Variants in EPS15L1 observed in about 807,000 individuals in gnomAD.
The protein encoded by EPS15L1 is epidermal growth factor receptor pathway substrate 15 like 1.
Under a neutral mutation model 117.1 loss-of-function variants are expected in EPS15L1, and 43 were observed. The observed-to-expected ratio is 0.37, with a 90% CI of 0.29 to 0.47. The LOEUF (loss-of-function observed/expected upper bound fraction) is 0.47, where lower values mean the gene tolerates loss of function less well. Among genes scored for constraint, EPS15L1 ranks in the 20% least tolerant of loss-of-function variants. EPS15L1 has a pLI of 0.99. For synonymous variants in EPS15L1, 459 were observed against 470.5 expected, an observed-to-expected ratio of 0.98 and a Z score of 0.32; for missense variants, 981 against 1,164.0, an observed-to-expected ratio of 0.84 and a Z score of 2.29.
chr19:16,358,265 C>T (rs2092008502), intron 23 of EPS15L1: 1 of 152,914 alleles, frequency 6.5e-6, no homozygotes, highest in Non-Finnish European at 1.5e-5. Context: ...GCTCACGAAT[C>T]CACTGTGGAG....
At chr19:16,396,198 C>T (rs957537865) in intron 16 of EPS15L1, among the ~76,000 whole-genome samples, 1 of 152,120 alleles carries the variant, frequency 6.6e-6, no homozygotes, top group Admixed American at 6.5e-5. Flanking sequence ...GACAAATGTA[C>T]TATATATGAT....
chr19:16,425,209 G>C lies in EPS15L1; in HGVS notation c.666C>G (p.Ala222=), dbSNP rs530375545. The change falls in exon 9 of 24, where the codon GCC becomes GCG. Residue 222 remains alanine (A), a synonymous_variant. Coordinates refer to ENST00000455140, the MANE Select transcript of EPS15L1 (RefSeq NM_001258374.3). ...SKRKKTVFPG[A]VPVLPASPPP... ...GGGGGCTGGCAGGCAGGACGGGGAC[G>C]GCGCCAGGGAACACAGTCTTCTTTC... 5 of 1,606,482 alleles carry C rather than the reference G, an allele frequency of 3.1e-6. No homozygotes were observed. The highest frequency in any genetic ancestry group is 4.3e-6 in the Non-Finnish European group (5 of 1,173,442).
At position 16,421,321 on chromosome 19, in the gene EPS15L1, T is replaced by C. The variant is rs1201405335; in HGVS notation, c.948A>G (p.Ile316Met). 2 of 1,606,000 alleles carry C rather than the reference T, an allele frequency of 1.2e-6. No individual in the cohort carries two copies. The highest frequency in any genetic ancestry group is 1.7e-6 in the Non-Finnish European group (2 of 1,173,986). ...AACTGCCACCTGTCCGGCCTTACCA[T>C]ATGTGTGCTAGAAGGTTCTGGGTGA... The part of the protein sequence containing the change: ...SGLTQNLLAH[I>M]WALADTRQTG... Residue 316 changes from isoleucine to methionine, a missense_variant and splice_region_variant, in exon 10 of 24, where the codon ATA (isoleucine) becomes ATG (methionine). Physicochemically the swap from Ile to Met is conservative, Grantham distance 10. Coordinates refer to ENST00000455140, the MANE Select transcript of EPS15L1 (RefSeq NM_001258374.3).
At position 16,418,052 on chromosome 19, in the gene EPS15L1, A is replaced by ACGCGAATTGGTCTTTGCTTAACTTC; in HGVS notation, c.978_1002dup (p.Leu335GlufsTer20). 6.2e-7 allele frequency: 1 copy of ACGCGAATTGGTCTTTGCTTAACTTC among 1,614,118 alleles called. No homozygotes were observed. On this transcript the variant is annotated frameshift_variant, in exon 11 of 24. Coordinates refer to ENST00000455140, the MANE Select transcript of EPS15L1 (RefSeq NM_001258374.3). LOFTEE classifies it high-confidence loss of function. ...TTCTGCTGAATGAAATACATAGCTAACGCGAATTGGTCTTTGCTTAACTTC... is the reference window on the plus strand; with the variant it reads ...TTCTGCTGAATGAAATACATAGCTAACGCGAATTGGTCTTTGCTTAACTTCCGCGAATTGGTCTTTGCTTAACTTC...
At chr19:16,410,488 T>C (rs908735630) in intron 13 of EPS15L1, among the ~76,000 whole-genome samples, 1 of 152,130 alleles carries the variant, frequency 6.6e-6, no homozygotes, top group Non-Finnish European at 1.5e-5. Flanking sequence ...GCCCAGCAAA[T>C]TCACTCCCAG....
At chr19:16,378,479 C>T (rs544973649) in intron 21 of EPS15L1, among the ~76,000 whole-genome samples, 1 of 152,094 alleles carries the variant, frequency 6.6e-6, no homozygotes, top group African/African-American at 2.4e-5. Context: ...CTGGCTGGAC[C>T]CCACTGCCGT....
rs1170523942 is a variant in EPS15L1 at position 16,471,923 on chromosome 19, A to AG, written c.22dup (p.Leu8ProfsTer13). On this transcript the variant is annotated frameshift_variant, in exon 1 of 24. Transcript: ENST00000455140. LOFTEE classifies it high-confidence loss of function. The surrounding 1 kb of genome is among the most constrained non-coding windows in gnomAD (Gnocchi z 4.8). The stretch of plus-strand genomic sequence containing the variant: ...CCGCCCGGCCCGTACCTGCTGGGAG[A>AG]GGGGGATGAGCGGCGCCGCCATCTT... 8.5e-6 allele frequency: 11 copies of AG among 1,295,762 alleles called. No homozygotes were observed. The highest frequency in any genetic ancestry group is 2.3e-5 in the South Asian group (1 of 43,900). 80.3% of individuals were successfully genotyped at this position (1,295,762 alleles called of 1,614,324 possible). A position where few individuals can be genotyped will look rare whatever the true frequency, so the allele number is the denominator to read the frequency against.
At position 16,425,106 on chromosome 19, in the gene EPS15L1, T is replaced by G; in HGVS notation, c.769A>C (p.Lys257Gln). ...ACCTGTGTTTGCTTGAGGCTGTGCT[T>G]GGGGGACAGGCTCCCTGTGCTGTTG... is the stretch of plus-strand genomic sequence containing the variant. ...SLNSTGSLSP[K>Q]HSLKQTQPTV... is the part of the protein sequence containing the mutation. Residue 257 changes from lysine (K) to glutamine (Q), a missense_variant, in exon 9 of 24, where the codon AAG becomes CAG. Lys to Gln is a moderately conservative substitution (Grantham distance 53). Transcript: ENST00000455140. 6.2e-7 allele frequency: 1 copy of G among 1,614,118 alleles called. No individual in the cohort carries two copies. Among genetic ancestry groups the G allele is most frequent in the Non-Finnish European group, 8.5e-7 (1 of 1,179,996 alleles).
intron 1 of EPS15L1, among the ~76,000 whole-genome samples, chr19:16,467,606 TGGATTTTACTCTAAAA>T: frequency 6.6e-6 from 1 of 150,802 alleles, no homozygotes; most frequent in Admixed American, 6.6e-5. Context: ...CTTTCAGGAG[TGGATTTTACTCTAAAA>T]CTTCGTTCTC....
intron 16 of EPS15L1, among the ~76,000 whole-genome samples, chr19:16,396,778 A>G (rs78070767): frequency 0.012 from 1,786 of 152,316 alleles, 34 homozygotes; most frequent in African/African-American, 0.041. Flanking sequence ...AGCCTTCAAA[A>G]GGAAGCAAAT....
At chr19:16,464,729 T>TACTAACACTA (rs2093284588) in intron 1 of EPS15L1, among the ~76,000 whole-genome samples, 1 of 148,518 alleles carries the variant, frequency 6.7e-6, no homozygotes, top group Non-Finnish European at 1.5e-5. Flanking sequence ...ACACATAAAA[T>TACTAACACTA]ACACTAACAC....
chr19:16,447,289 C>G (rs374504663), intron 1 of EPS15L1, among the ~76,000 whole-genome samples: 2 of 152,174 alleles, frequency 1.3e-5, no homozygotes, highest in South Asian at 4.1e-4. Flanking sequence ...GAGGTTTCTA[C>G]AGCAGAGCTA....
At position 16,418,042 on chromosome 19, in the gene EPS15L1, T is replaced by C; in HGVS notation, c.1013A>G (p.Tyr338Cys). The stretch of plus-strand genomic sequence containing the variant: ...TTTACTGACCTTCTGCTGAATGAAA[T>C]ACATAGCTAACGCGAATTGGTCTTT... Reference protein sequence around the residue: ...LSKDQFALAMYFIQQKVSKGI... With the variant: ...LSKDQFALAMCFIQQKVSKGI... Residue 338 changes from tyrosine to cysteine, a missense_variant, in exon 11 of 24, where the codon TAT (tyrosine) becomes TGT (cysteine). Around this residue, in one of 5 missense-constraint regions of EPS15L1, gnomAD observed 819 missense variants for 949.0 expected, o/e 0.86. Coordinates refer to ENST00000455140, the MANE Select transcript of EPS15L1 (RefSeq NM_001258374.3). The C allele has an allele frequency of 6.2e-7, 1 of 1,614,162 alleles. No homozygotes were observed.
In EPS15L1 at chr19:16,392,431, C is replaced by G. The variant is rs772050964; in HGVS notation, c.1976G>C (p.Gly659Ala). Reference sequence around the variant, plus strand: ...GTCACTTTCTTTGAAAGGGTCCCCTCCAAATGGATCTAGAAGGAAAAATGC... The same window carrying G: ...GTCACTTTCTTTGAAAGGGTCCCCTGCAAATGGATCTAGAAGGAAAAATGC... ...EQQTTSTDPFGGDPFKESDPF... is the reference protein window; with the variant it reads ...EQQTTSTDPFAGDPFKESDPF... Residue 659 changes from glycine (G) to alanine (A), a missense_variant, in exon 19 of 24, where the codon GGA (glycine) becomes GCA (alanine). Physicochemically the swap from Gly to Ala is moderately conservative, Grantham distance 60. This residue lies in a region of EPS15L1 where 819 missense variants were observed against 949.0 expected (regional missense o/e 0.86). Coordinates refer to ENST00000455140, the MANE Select transcript of EPS15L1 (RefSeq NM_001258374.3). The G allele has an allele frequency of 2.5e-6, 4 of 1,614,010 alleles. No individual in the cohort carries two copies. In the Admixed American group the frequency reaches 6.7e-5, roughly 27 times the overall value.
In EPS15L1 at chr19:16,370,445, C is replaced by T. The variant is rs983893601; in HGVS notation, c.2380+6677G>A. ...TCCTGGAGGCAGGTACACCCGATGT[C>T]CCCAGGGCGATGGCTCCCGTCTGTT... On this transcript the variant is annotated intron_variant, in intron 22 of 23. Transcript: ENST00000455140. The surrounding 1 kb of genome is among the most constrained non-coding windows in gnomAD (Gnocchi z 5.2). 6.6e-6 allele frequency among the ~76,000 whole-genome samples: 1 copy of T among 152,032 alleles called. No individual in the cohort carries two copies. The highest frequency in any genetic ancestry group is 2.4e-5 in the African/African-American group (1 of 41,362).
intron 16 of EPS15L1, among the ~76,000 whole-genome samples, chr19:16,397,667 A>G (rs1377665550): frequency 6.6e-6 from 1 of 152,072 alleles, no homozygotes; most frequent in Non-Finnish European, 1.5e-5. Flanking sequence ...GAATTACTAG[A>G]GCATACACAA....
chr19:16,450,768 C>G (rs1568462134), intron 1 of EPS15L1, among the ~76,000 whole-genome samples: 1 of 151,820 alleles, frequency 6.6e-6, no homozygotes, highest in Admixed American at 6.6e-5. Flanking sequence ...CAGGCGTGAG[C>G]CACCACGCCT....
chr19:16,362,999 G>C (rs1270013125), intron 22 of EPS15L1, among the ~76,000 whole-genome samples: 1 of 152,148 alleles, frequency 6.6e-6, no homozygotes, highest in African/African-American at 2.4e-5. Flanking sequence ...CTGTGTGGGG[G>C]ACATGGCCTG....
chr19:16,394,048 T>G, intron 17 of EPS15L1, 47 bp from the exon 18 acceptor site: 1 of 1,586,638 alleles, frequency 6.3e-7, no homozygotes, highest in Non-Finnish European at 8.7e-7. Context: ...GGGCACAGGA[T>G]GCGGGCCGGG....
Sources: allele counts gnomAD v4.1 joint callset (sites outside exome capture counted in the v4.1 genomes callset), GRCh38; gene constraint gnomAD v4.1.1; regional missense constraint gnomAD v4.1.1; non-coding constraint Gnocchi (gnomAD v3.1); transcripts MANE v1.5; gene names NCBI Gene and HGNC (gene_info 2026-07-23, HGNC 2026-07-21).